Variants in PM20D2 observed in about 807,000 individuals in gnomAD.
PM20D2 encodes the protein xaa-Arg dipeptidase.
Under a neutral mutation model 42.9 loss-of-function variants are expected in PM20D2, and 33 were observed. That is an observed-to-expected ratio of 0.77 (90% CI 0.58 to 1.03). The LOEUF (loss-of-function observed/expected upper bound fraction) is 1.03, where lower values mean the gene tolerates loss of function less well. PM20D2 is among the 50% of genes least tolerant of loss of function. The pLI is 0.00. For missense variants in PM20D2, 548 were observed against 557.0 expected, an observed-to-expected ratio of 0.98 and a Z score of 0.16; for synonymous variants, 250 against 228.2, an observed-to-expected ratio of 1.10 and a Z score of -0.86.
the PM20D2 span, chr6:89,107,038 G>T: frequency 1.8e-6 from 2 of 1,089,974 alleles, no homozygotes; most frequent in South Asian, 1.3e-5. Flanking sequence ...CTGAGATAAA[G>T]AAATAAACAC....
the PM20D2 span, among the ~76,000 whole-genome samples, chr6:89,108,759 C>T: frequency 1.8e-3 from 270 of 152,170 alleles, 1 homozygote; most frequent in African/African-American, 6.2e-3. Flanking sequence ...GATAAGAGTT[C>T]TATAAGCAAC....
chr6:89,145,495 A>C (rs1391575469), upstream of PM20D2, among the ~76,000 whole-genome samples: 4 of 152,222 alleles, frequency 2.6e-5, no homozygotes, highest in Admixed American at 6.5e-5. Flanking sequence ...TATAATAGCT[A>C]ATACATACCA....
At chr6:89,160,442 C>T (rs1473004420) in intron 5 of PM20D2, among the ~76,000 whole-genome samples, 1 of 152,226 alleles carries the variant, frequency 6.6e-6, no homozygotes, top group Non-Finnish European at 1.5e-5. Context: ...ATGTTAGCTA[C>T]TCTTTGTCAC....
At chr6:89,148,661 T>G (rs187370791) in intron 1 of PM20D2, 1 of 726,216 alleles carries the variant, frequency 1.4e-6, no homozygotes, top group African/African-American at 1.9e-5. Context: ...AGTTCAGACT[T>G]TTAAAATAGG....
At chr6:89,136,949 T>G in the PM20D2 span, among the ~76,000 whole-genome samples, 2 of 151,118 alleles carry the variant, frequency 1.3e-5, no homozygotes, top group Non-Finnish European at 2.9e-5. Flanking sequence ...TATGAGATGT[T>G]TCCTCCAGAT....
the PM20D2 span, among the ~76,000 whole-genome samples, chr6:89,129,129 T>A: frequency 6.6e-6 from 1 of 151,866 alleles, no homozygotes; most frequent in African/African-American, 2.4e-5. Flanking sequence ...TTGACACTCA[T>A]TGAGGGGTTA....
Position 89,146,171 on chromosome 6 carries a change from G to A in PM20D2, c.27G>A (p.Val9=), listed in dbSNP as rs1198575638. MRPGGERP[V]EGGACNGRSE... is the part of the protein sequence containing the mutation. ...TGAGGCCCGGAGGGGAGCGGCCCGT[G>A]GAAGGGGGCGCGTGCAATGGCCGCT... The change falls in exon 1 of 7, where the codon GTG becomes GTA. Residue 9 remains valine (V), a synonymous_variant. Transcript: ENST00000275072. 33 of 1,524,172 alleles carry A rather than the reference G, an allele frequency of 2.2e-5. No homozygotes were observed. Among genetic ancestry groups the A allele is most frequent in the Middle Eastern group, 2.0e-4 (1 of 5,064 alleles). The allele number at this position is 1,524,172 out of a possible 1,614,324, so 94.4% of individuals were successfully genotyped here.
chr6:89,107,355 T>C, the PM20D2 span: 1 of 845,012 alleles, frequency 1.2e-6, no homozygotes. Flanking sequence ...AGAAAGAACA[T>C]CATCTAGACC....
In PM20D2 at chr6:89,162,784, T is replaced by C. The variant is rs570332143; in HGVS notation, c.*521T>C. On this transcript the variant is annotated 3_prime_UTR_variant, in exon 7 of 7. Transcript: ENST00000275072. Reference sequence around the variant, plus strand: ...GCCAGTGTCTTTCCTTTTTTTGTTTTAAGATAGAGCCTCGCTCTGTTGCCC... The same window carrying C: ...GCCAGTGTCTTTCCTTTTTTTGTTTCAAGATAGAGCCTCGCTCTGTTGCCC... The C allele has an allele frequency of 6.7e-6, 1 of 148,760 alleles. No homozygotes were observed. The highest frequency in any genetic ancestry group is 2.5e-5 in the African/African-American group (1 of 40,328). 9.2% of individuals were successfully genotyped at this position (148,760 alleles called of 1,614,324 possible).
At chr6:89,148,575 G>A (rs1338463635) in intron 1 of PM20D2, 1 of 979,810 alleles carries the variant, frequency 1.0e-6, no homozygotes, top group African/African-American at 1.8e-5. Flanking sequence ...AATCGAATTA[G>A]TAAGTTTGTG....
chr6:89,162,170 G>A lies in PM20D2; in HGVS notation c.1218G>A (p.Leu406=). ...CCAAAGCTCTGGCAATGACGGCACTGGATGTTATTTTTAAACCAGAGTTAC... is the reference window on the plus strand; with the variant it reads ...CCAAAGCTCTGGCAATGACGGCACTAGATGTTATTTTTAAACCAGAGTTAC... ...RTAKALAMTA[L]DVIFKPELLE... The change falls in exon 7 of 7, where the codon CTG becomes CTA. Residue 406 remains leucine (L), a synonymous_variant. Transcript: ENST00000275072. 1 of 1,614,112 alleles carries A rather than the reference G, an allele frequency of 6.2e-7. No homozygotes were observed. The highest frequency in any genetic ancestry group is 2.2e-5 in the East Asian group (1 of 44,878).
At position 89,154,819 on chromosome 6, in the gene PM20D2, G is replaced by A; in HGVS notation, c.829G>A (p.Ala277Thr). 1.2e-6 allele frequency: 2 copies of A among 1,608,764 alleles called. No homozygotes were observed. Among genetic ancestry groups the A allele is most frequent in the Non-Finnish European group, 8.5e-7 (1 of 1,177,594 alleles). Residue 277 changes from alanine to threonine, a missense_variant, in exon 4 of 7, where the codon GCA becomes ACA. Ala to Thr is a moderately conservative substitution (Grantham distance 58, BLOSUM62 0). This residue lies in a region of PM20D2 where 470 missense variants were observed against 464.4 expected (regional missense o/e 1.01). Transcript: ENST00000275072. ...TTCTGAATTAATCTATTACTTCCGT[G>A]CACCCTCAATGAAAGAACTTCAAGT... ...SYSELIYYFR[A>T]PSMKELQVLT...
At chr6:89,150,317 G>A (rs918629880) in intron 2 of PM20D2, among the ~76,000 whole-genome samples, 5 of 152,092 alleles carry the variant, frequency 3.3e-5, no homozygotes, top group African/African-American at 4.8e-5. Flanking sequence ...TTCAAGGGTG[G>A]TGGTAAACTA....
chr6:89,124,736 G>GTT, the PM20D2 span, among the ~76,000 whole-genome samples: 2 of 108,464 alleles, frequency 1.8e-5, no homozygotes, highest in Non-Finnish European at 3.5e-5. Context: ...TGCTGTTGTT[G>GTT]TTTTTTTTTT....
At chr6:89,155,866 C>T (rs950103694) in intron 4 of PM20D2, among the ~76,000 whole-genome samples, 2 of 150,630 alleles carry the variant, frequency 1.3e-5, no homozygotes, top group Non-Finnish European at 1.5e-5. Flanking sequence ...CGCTTGCCAC[C>T]ACACCTGGCT....
At chr6:89,161,122 G>T (rs1771219394) in intron 5 of PM20D2, among the ~76,000 whole-genome samples, 1 of 152,222 alleles carries the variant, frequency 6.6e-6, no homozygotes, top group Admixed American at 6.5e-5. Context: ...AGGATTCTGA[G>T]ATATTTGGCA....
chr6:89,117,769 G>T, the PM20D2 span: 1 of 1,498,902 alleles, frequency 6.7e-7, no homozygotes, highest in Non-Finnish European at 8.9e-7. Flanking sequence ...TCCGCGGCGC[G>T]GCTGTTACCC....
the PM20D2 span, among the ~76,000 whole-genome samples, chr6:89,139,434 G>A: frequency 2.0e-5 from 3 of 152,090 alleles, no homozygotes; most frequent in Middle Eastern, 3.2e-3. Context: ...GTCTGTGCAC[G>A]AACTCCTAGG....
At chr6:89,127,630 A>G in the PM20D2 span, among the ~76,000 whole-genome samples, 1 of 152,120 alleles carries the variant, frequency 6.6e-6, no homozygotes, top group Non-Finnish European at 1.5e-5. Context: ...ACCTAGCTGA[A>G]ATGCTCTTCC....
Sources: allele counts gnomAD v4.1 joint callset (sites outside exome capture counted in the v4.1 genomes callset), GRCh38; gene constraint gnomAD v4.1.1; regional missense constraint gnomAD v4.1.1; transcripts MANE v1.5; gene names NCBI Gene and HGNC (gene_info 2026-07-23, HGNC 2026-07-21).